LRRC49: variants seen among roughly 807,000 people sequenced by gnomAD.
LRRC49 encodes the protein leucine-rich repeat-containing protein 49.
LRRC49 carries 50 observed loss-of-function variants against 83.3 expected under a neutral mutation model. The ratio of observed to expected loss-of-function variants is 0.60; its 90% CI spans 0.48 to 0.76. The LOEUF (loss-of-function observed/expected upper bound fraction) is 0.76, where lower values mean the gene tolerates loss of function less well. LRRC49 is among the 30% of genes least tolerant of loss of function. LRRC49 has a pLI of 0.00. For missense variants in LRRC49, 704 were observed against 809.1 expected (o/e 0.87, Z 1.58); for synonymous variants, 286 against 283.3 (o/e 1.01, Z -0.10).
intron 8 of LRRC49, among the ~76,000 whole-genome samples, chr15:70,939,523 A>G (rs931301092): frequency 6.6e-6 from 1 of 152,178 alleles, no homozygotes; most frequent in Non-Finnish European, 1.5e-5. Context: ...CTGATTTGTC[A>G]GTAAGGATCT....
chr15:70,971,102 C>T (rs1387372464), intron 9 of LRRC49, among the ~76,000 whole-genome samples: 3 of 152,180 alleles, frequency 2.0e-5, no homozygotes, highest in African/African-American at 7.2e-5. Context: ...ATCTTTCCCA[C>T]TTTCTTCTGT....
chr15:70,872,287 G>T (rs867044764), intron 1 of LRRC49, among the ~76,000 whole-genome samples: 1 of 152,222 alleles, frequency 6.6e-6, no homozygotes, highest in Admixed American at 6.5e-5. Context: ...CCCAGGCACT[G>T]GGCAGGCTGA....
intron 8 of LRRC49, among the ~76,000 whole-genome samples, chr15:70,944,406 CT>C (rs1037856438): frequency 1.3e-5 from 2 of 151,470 alleles, no homozygotes; most frequent in Non-Finnish European, 2.9e-5. Flanking sequence ...CCATATTGCT[CT>C]TTTTTTTTCT....
At chr15:70,977,394 T>C (rs916092254) in intron 9 of LRRC49, among the ~76,000 whole-genome samples, 1 of 152,188 alleles carries the variant, frequency 6.6e-6, no homozygotes, top group South Asian at 2.1e-4. Context: ...CCTGTAATTG[T>C]AGCACTTTGG....
chr15:70,862,577 C>CA (rs10623501), intron 1 of LRRC49, among the ~76,000 whole-genome samples: 13,912 of 61,236 alleles, frequency 0.23, 1,792 homozygotes, highest in Middle Eastern at 0.33. Context: ...GACTCCGTCT[C>CA]AAAAAAAAAA....
chr15:70,958,137 C>T (rs2036468770), intron 8 of LRRC49, among the ~76,000 whole-genome samples: 1 of 152,130 alleles, frequency 6.6e-6, no homozygotes, highest in Non-Finnish European at 1.5e-5. Context: ...CATAGAACAT[C>T]TCCCCTCTTT....
chr15:70,853,848 C>T (rs1205974176), intron 1 of LRRC49: 10 of 1,215,588 alleles, frequency 8.2e-6, no homozygotes, highest in African/African-American at 3.2e-5. Flanking sequence ...CGGCCCGGCG[C>T]CCCCTCGGGG....
chr15:71,048,583 G>T (rs1444615876), intron 15 of LRRC49, among the ~76,000 whole-genome samples: 2 of 152,000 alleles, frequency 1.3e-5, no homozygotes, highest in African/African-American at 4.8e-5. Flanking sequence ...GTGTTACATT[G>T]ATTCTTCCAT....
At chr15:70,939,898 T>C (rs1488017340) in intron 8 of LRRC49, among the ~76,000 whole-genome samples, 1 of 150,594 alleles carries the variant, frequency 6.6e-6, no homozygotes, top group Non-Finnish European at 1.5e-5. Flanking sequence ...AGTTCTCTAA[T>C]GACCTTTGTT....
At chr15:70,937,918 G>T (rs969962315) in intron 8 of LRRC49, among the ~76,000 whole-genome samples, 2 of 152,180 alleles carry the variant, frequency 1.3e-5, no homozygotes, top group South Asian at 2.1e-4. Flanking sequence ...TGGGGAGGCA[G>T]AATTTCTTTT....
At chr15:70,951,370 A>T (rs1329882400) in intron 8 of LRRC49, among the ~76,000 whole-genome samples, 4 of 152,044 alleles carry the variant, frequency 2.6e-5, no homozygotes, top group Non-Finnish European at 5.9e-5. Context: ...CATTTTATCA[A>T]TGTTGATTCT....
chr15:70,940,310 G>A (rs944604843), intron 8 of LRRC49, among the ~76,000 whole-genome samples: 37 of 141,624 alleles, frequency 2.6e-4, no homozygotes, highest in Non-Finnish European at 1.7e-4. Flanking sequence ...AGGCTGGAGC[G>A]CAGTAGCGCA....
intron 14 of LRRC49, among the ~76,000 whole-genome samples, chr15:71,022,154 C>T (rs1275506566): frequency 1.3e-5 from 2 of 152,134 alleles, no homozygotes; most frequent in East Asian, 1.9e-4. Context: ...AGGCAGATCA[C>T]CTGAGGTCAG....
chr15:70,897,628 C>T (rs1053473432), intron 3 of LRRC49, among the ~76,000 whole-genome samples: 2 of 151,964 alleles, frequency 1.3e-5, no homozygotes, highest in African/African-American at 4.8e-5. Context: ...ATCTTGATAC[C>T]CAATCATTAT....
At chr15:70,888,346 T>A (rs1343684934), upstream of LRRC49, among the ~76,000 whole-genome samples, 1 of 152,178 alleles carries the variant, frequency 6.6e-6, no homozygotes, top group African/African-American at 2.4e-5. Flanking sequence ...GAATAAAGTA[T>A]GTGGAAACAG....
At chr15:70,862,577 CA>C (rs10623501) in intron 1 of LRRC49, among the ~76,000 whole-genome samples, 1,481 of 61,706 alleles carry the variant, frequency 0.024, 16 homozygotes, top group African/African-American at 0.083. Context: ...GACTCCGTCT[CA>C]AAAAAAAAAA....
intron 14 of LRRC49, among the ~76,000 whole-genome samples, chr15:71,028,598 A>G (rs886064526): frequency 3.3e-5 from 5 of 152,246 alleles, no homozygotes; most frequent in African/African-American, 9.6e-5. Context: ...TTGGCACACT[A>G]TTAATTACTG....
rs368155712 is a variant in LRRC49 at position 71,001,999 on chromosome 15, G to A, written c.1170-6380G>A. Among the ~76,000 whole-genome samples, 4 of 152,136 alleles carry A rather than the reference G, an allele frequency of 2.6e-5. No individual in the cohort carries two copies. In the East Asian group the frequency reaches 7.7e-4, roughly 29 times the overall value. On this transcript the variant is annotated intron_variant, in intron 11 of 15. Transcript: ENST00000260382. ...AGCCACCGTGCCCGGCTGTCTATCT[G>A]CTATTTTTATCTGAAAGTACAAAGT...
chr15:70,912,589 C>G (rs558300887), intron 6 of LRRC49, among the ~76,000 whole-genome samples: 1 of 152,086 alleles, frequency 6.6e-6, no homozygotes, highest in South Asian at 2.1e-4. Context: ...TTCTATTTTC[C>G]TGATTACTAT....
Sources: gnomAD v4.1 joint callset for allele counts (sites outside exome capture counted in the v4.1 genomes callset) on GRCh38, gnomAD v4.1.1 for gene constraint, MANE v1.5 for transcripts, NCBI Gene and HGNC (gene_info 2026-07-23, HGNC 2026-07-21) for gene names.